The following INTS3 variants were observed in gnomAD, a reference collection of about 807,000 sequenced individuals.
INTS3 encodes SOSS complex subunit A.
In INTS3, 34 loss-of-function variants were observed where a neutral mutation model predicts 146.3. The observed-to-expected ratio is 0.23, with a 90% CI of 0.18 to 0.31. The LOEUF (loss-of-function observed/expected upper bound fraction) is 0.31. Among genes scored for constraint, INTS3 ranks in the 10% least tolerant of loss-of-function variants. The pLI is 1.00. For synonymous variants in INTS3, 475 were observed against 494.9 expected, an observed-to-expected ratio of 0.96 and a Z score of 0.53; for missense variants, 757 against 1,304.2, an observed-to-expected ratio of 0.58 and a Z score of 6.46.
Position 153,773,499 on chromosome 1 carries a change from G to T in INTS3, c.*229G>T. On this transcript the variant is annotated 3_prime_UTR_variant, in exon 30 of 30. Coordinates refer to ENST00000318967, the MANE Select transcript of INTS3 (RefSeq NM_023015.5). ...CCAGCCCCTCACACTGCTGTTCCCA[G>T]TGATATTTGGGATCTGACTGAAGCC... is the stretch of plus-strand genomic sequence containing the variant. The T allele has an allele frequency of 1.7e-6, 1 of 597,562 alleles. No homozygotes were observed. 37.0% of individuals were successfully genotyped at this position (597,562 alleles called of 1,614,324 possible).
chr1:153,757,524 A>G lies in INTS3; in HGVS notation c.958-48A>G, dbSNP rs1447464472. ...GGTGCTCGTTTTCCTCTGGCCAAGG[A>G]CCCCACACTGTCTTCTAAGGTCTTT... On this transcript the variant is annotated intron_variant, in intron 9 of 29. Coordinates refer to ENST00000318967, the MANE Select transcript of INTS3 (RefSeq NM_023015.5). This position sits in a 1 kb window ranked among gnomAD's most constrained non-coding sequence, Gnocchi z 4.0. 1 of 1,559,464 alleles carries G rather than the reference A, an allele frequency of 6.4e-7. No homozygotes were observed. The highest frequency in any genetic ancestry group is 1.4e-5 in the African/African-American group (1 of 73,802).
intron 14 of INTS3, 104 bp from the exon 15 acceptor site, chr1:153,762,624 C>T (rs2101819474): frequency 7.2e-7 from 1 of 1,387,430 alleles, no homozygotes; most frequent in Non-Finnish European, 9.9e-7. Context: ...AGATGATAAA[C>T]TCCTTATTCT....
At chr1:153,743,812 C>T (rs1249204366) in intron 3 of INTS3, among the ~76,000 whole-genome samples, 2 of 152,078 alleles carry the variant, frequency 1.3e-5, no homozygotes, top group African/African-American at 4.8e-5. Context: ...GGTCTAATGT[C>T]AAGGTCTGTC....
rs1558012892 is a variant in INTS3 at position 153,772,798 on chromosome 1, G to C, written c.2894+87G>C. 1 of 1,578,706 alleles carries C rather than the reference G, an allele frequency of 6.3e-7. No homozygotes were observed. The highest frequency in any genetic ancestry group is 8.6e-7 in the Non-Finnish European group (1 of 1,159,936). ...GCCTGCTAGGGACATAAACGTAATGGCCAGCAAGACCTTAGGGTCCAGGGT... is the reference window on the plus strand; with the variant it reads ...GCCTGCTAGGGACATAAACGTAATGCCCAGCAAGACCTTAGGGTCCAGGGT... On this transcript the variant is annotated intron_variant, in intron 28 of 29. Coordinates refer to ENST00000318967, the MANE Select transcript of INTS3 (RefSeq NM_023015.5). The surrounding 1 kb of genome is among the most constrained non-coding windows in gnomAD (Gnocchi z 4.6).
At chr1:153,742,783 A>G (rs758193872) in intron 3 of INTS3, among the ~76,000 whole-genome samples, 14 of 152,232 alleles carry the variant, frequency 9.2e-5, no homozygotes, top group Non-Finnish European at 1.5e-4. Flanking sequence ...ACAGCAAGAG[A>G]CTAGAGTATC....
intron 1 of INTS3, among the ~76,000 whole-genome samples, chr1:153,738,782 GTT>G (rs1345867148): frequency 3.3e-5 from 5 of 151,966 alleles, no homozygotes; most frequent in Non-Finnish European, 7.4e-5. Context: ...ACATTTATTA[GTT>G]GGCATTGTAC....
intron 3 of INTS3, among the ~76,000 whole-genome samples, chr1:153,744,631 C>T (rs542544453): frequency 5.3e-5 from 8 of 152,060 alleles, no homozygotes; most frequent in Non-Finnish European, 1.0e-4. Flanking sequence ...TTTGACTTAA[C>T]GACAATAGAG....
chr1:153,752,302 T>G lies in INTS3; in HGVS notation c.753T>G (p.Gly251=), dbSNP rs1671988053. The part of the protein sequence containing the change: ...RERFMECLMI[G]RDLVRLLQNV... ...AGTTCATGGAATGTCTGATGATTGG[T>G]CGGGATCTCGTAAGACTACTTCAGA... The change falls in exon 8 of 30, where the codon GGT becomes GGG. Residue 251 remains glycine (G), a synonymous_variant. Transcript: ENST00000318967. 6.2e-7 allele frequency: 1 copy of G among 1,613,554 alleles called. No individual in the cohort carries two copies. Among genetic ancestry groups the G allele is most frequent in the Non-Finnish European group, 8.5e-7 (1 of 1,179,656 alleles).
rs529818970 is a variant in INTS3, at chr1:153,752,014, G to A, written c.730-265G>A. On this transcript the variant is annotated intron_variant, in intron 7 of 29. Transcript: ENST00000318967. ...GAACTGGATTGAAACAGTTCTGAGTGGAGAGGGAGGTAGATTAATGTGAAA... is the reference window on the plus strand; with the variant it reads ...GAACTGGATTGAAACAGTTCTGAGTAGAGAGGGAGGTAGATTAATGTGAAA... 326 of 452,252 alleles carry A rather than the reference G, an allele frequency of 7.2e-4. 1 individual carries two copies. Among genetic ancestry groups the A allele is most frequent in the Non-Finnish European group, 1.1e-3 (289 of 255,566 alleles). 28.0% of individuals were successfully genotyped at this position (452,252 alleles called of 1,614,324 possible).
intron 22 of INTS3, 62 bp downstream of exon 22, chr1:153,769,023 T>G: frequency 7.5e-7 from 1 of 1,333,118 alleles, no homozygotes; most frequent in South Asian, 1.2e-5. Context: ...ACATAGGGCC[T>G]CTGCTCTCCC....
In INTS3 at chr1:153,757,523, G is replaced by A. The variant is rs760188202; in HGVS notation, c.958-49G>A. Reference sequence around the variant, plus strand: ...TGGTGCTCGTTTTCCTCTGGCCAAGGACCCCACACTGTCTTCTAAGGTCTT... The same window carrying A: ...TGGTGCTCGTTTTCCTCTGGCCAAGAACCCCACACTGTCTTCTAAGGTCTT... On this transcript the variant is annotated intron_variant, in intron 9 of 29. Transcript: ENST00000318967. This position sits in a 1 kb window ranked among gnomAD's most constrained non-coding sequence, Gnocchi z 4.0. 6.4e-7 allele frequency: 1 copy of A among 1,552,350 alleles called. No homozygotes were observed.
intron 25 of INTS3, 140 bp downstream of exon 25, chr1:153,770,873 C>G (rs563998150): frequency 1.4e-6 from 1 of 710,482 alleles, no homozygotes; most frequent in Admixed American, 2.1e-5. Context: ...CTTCCCCCAA[C>G]GTGACTTACA....
chr1:153,738,568 A>T (rs1316804312), intron 1 of INTS3, among the ~76,000 whole-genome samples: 1 of 152,202 alleles, frequency 6.6e-6, no homozygotes, highest in Non-Finnish European at 1.5e-5. Flanking sequence ...ATGTCTCATT[A>T]TTTAGTGATA....
intron 16 of INTS3, 43 bp from the exon 17 acceptor site, chr1:153,763,789 A>G: frequency 6.4e-7 from 1 of 1,562,160 alleles, no homozygotes; most frequent in Non-Finnish European, 8.8e-7. Context: ...GCCCTCTGCT[A>G]TCATTTATGT....
chr1:153,752,260 C>T lies in INTS3; in HGVS notation c.730-19C>T. 1 of 1,612,292 alleles carries T rather than the reference C, an allele frequency of 6.2e-7. No individual in the cohort carries two copies. The highest frequency in any genetic ancestry group is 8.5e-7 in the Non-Finnish European group (1 of 1,178,442). ...TTTTTATTCTCTTTCCTGTCCCCCA[C>T]TTCCTCTTCCCTATCAAGTTCATGG... On this transcript the variant is annotated intron_variant, in intron 7 of 29. Coordinates refer to ENST00000318967, the MANE Select transcript of INTS3 (RefSeq NM_023015.5).
chr1:153,755,294 G>A (rs750314744), intron 9 of INTS3, among the ~76,000 whole-genome samples: 6 of 151,928 alleles, frequency 3.9e-5, no homozygotes, highest in East Asian at 1.9e-4. Context: ...ATGGAGTTTC[G>A]TTCTTGTTGC....
In INTS3 at chr1:153,770,191, C is replaced by T. The variant is rs1171723134; in HGVS notation, c.2390-7C>T. ...CTTGAGAGAGATGTTTCTTTTGTCT[C>T]TTCCAGTTCAGAGCCTAGACTGGGA... On this transcript the variant is annotated splice_region_variant and splice_polypyrimidine_tract_variant and intron_variant, in intron 23 of 29. Coordinates refer to ENST00000318967, the MANE Select transcript of INTS3 (RefSeq NM_023015.5). The T allele has an allele frequency of 1.9e-6, 3 of 1,561,604 alleles. No individual in the cohort carries two copies. Among genetic ancestry groups the T allele is most frequent in the African/African-American group, 1.4e-5 (1 of 73,270 alleles).
At chr1:153,755,224 A>G (rs1239751179) in intron 9 of INTS3, among the ~76,000 whole-genome samples, 2 of 152,030 alleles carry the variant, frequency 1.3e-5, no homozygotes, top group Non-Finnish European at 2.9e-5. Flanking sequence ...ACTCTCCTAG[A>G]TAATTTGATT....
rs544716195 is a variant in INTS3 at position 153,762,445 on chromosome 1, C to T, written c.1517-283C>T. On this transcript the variant is annotated intron_variant, in intron 14 of 29. Transcript: ENST00000318967. ...GGCGACAAGAGTGAGACTAGCACTT[C>T]GGACTGTCCCTGATCTTACTCTAGT... 1.7e-3 allele frequency among the ~76,000 whole-genome samples: 256 copies of T among 152,288 alleles called. 3 individuals carry two copies. The highest frequency in any genetic ancestry group is 5.9e-3 in the African/African-American group (245 of 41,564).
Sources: allele counts gnomAD v4.1 joint callset (sites outside exome capture counted in the v4.1 genomes callset), GRCh38; gene constraint gnomAD v4.1.1; non-coding constraint Gnocchi (gnomAD v3.1); transcripts MANE v1.5; gene names NCBI Gene and HGNC (gene_info 2026-07-23, HGNC 2026-07-21).